The following TMEM135 variants were observed in gnomAD, a reference collection of about 807,000 sequenced individuals.
The protein encoded by TMEM135 is peroxisomal membrane protein 52.
TMEM135 carries 30 observed loss-of-function variants against 60.3 expected under a neutral mutation model. The observed-to-expected ratio is 0.50, with a 90% CI of 0.37 to 0.68. The LOEUF (loss-of-function observed/expected upper bound fraction) is 0.68. TMEM135 is among the 30% of genes least tolerant of loss of function. TMEM135 has a pLI of 0.00. For missense variants in TMEM135, 468 were observed against 548.8 expected, an observed-to-expected ratio of 0.85 and a Z score of 1.47; for synonymous variants, 190 against 186.7, an observed-to-expected ratio of 1.02 and a Z score of -0.14.
intron 4 of TMEM135, among the ~76,000 whole-genome samples, chr11:87,097,690 C>G (rs1212636170): frequency 6.6e-6 from 1 of 152,200 alleles, no homozygotes; most frequent in Non-Finnish European, 1.5e-5. Flanking sequence ...ACACTGCCCT[C>G]TCTGGTGTTG....
intron 4 of TMEM135, among the ~76,000 whole-genome samples, chr11:87,148,455 ATTC>A (rs143340850): frequency 6.5e-4 from 99 of 152,324 alleles, no homozygotes; most frequent in African/African-American, 2.2e-3. Context: ...TGAATTTGGT[ATTC>A]TTCTTCTACT....
intron 6 of TMEM135, among the ~76,000 whole-genome samples, chr11:87,274,163 C>T (rs1350557028): frequency 1.3e-5 from 2 of 152,028 alleles, no homozygotes; most frequent in Non-Finnish European, 2.9e-5. Context: ...GGTATGTCGA[C>T]AAAACTTTCA....
intron 2 of TMEM135, among the ~76,000 whole-genome samples, chr11:87,069,166 GT>G (rs1413126647): frequency 6.6e-6 from 1 of 151,036 alleles, no homozygotes; most frequent in Non-Finnish European, 1.5e-5. Context: ...TGCGCCTGTA[GT>G]CCCATCTACT....
intron 12 of TMEM135, among the ~76,000 whole-genome samples, chr11:87,315,631 G>A (rs1346293160): frequency 6.6e-6 from 1 of 151,834 alleles, no homozygotes; most frequent in Non-Finnish European, 1.5e-5. Flanking sequence ...TCTTTATTCT[G>A]TGTTTATTAG....
rs534010391 is a variant in TMEM135 at position 87,087,147 on chromosome 11, T to G, written c.363-4215T>G. 3.0e-3 allele frequency among the ~76,000 whole-genome samples: 457 copies of G among 152,228 alleles called. 5 individuals carry two copies. The highest frequency in any genetic ancestry group is 4.4e-3 in the Non-Finnish European group (300 of 68,022). On this transcript the variant is annotated intron_variant, in intron 3 of 14. Transcript: ENST00000305494. Reference sequence around the variant, plus strand: ...AGACAAACCAGGATATTAGAAGACATGCATCAAAACAAAACATGGGGGTAA... The same window carrying G: ...AGACAAACCAGGATATTAGAAGACAGGCATCAAAACAAAACATGGGGGTAA...
At chr11:87,166,798 G>T (rs1040638644) in intron 5 of TMEM135, among the ~76,000 whole-genome samples, 4 of 151,636 alleles carry the variant, frequency 2.6e-5, no homozygotes, top group African/African-American at 9.7e-5. Context: ...GCTATTTTTT[G>T]GTTCCATATG....
intron 4 of TMEM135, among the ~76,000 whole-genome samples, chr11:87,100,000 G>T (rs1348118014): frequency 6.6e-6 from 1 of 152,058 alleles, no homozygotes; most frequent in Admixed American, 6.5e-5. Context: ...ACTGTCAAAT[G>T]TGTTCCTGAG....
At chr11:87,254,037 A>G (rs909397884) in intron 6 of TMEM135, among the ~76,000 whole-genome samples, 1 of 152,138 alleles carries the variant, frequency 6.6e-6, no homozygotes, top group Non-Finnish European at 1.5e-5. Flanking sequence ...TGTCTTATAT[A>G]TAACAATCTG....
intron 10 of TMEM135, among the ~76,000 whole-genome samples, chr11:87,312,528 A>G (rs546050591): frequency 1.3e-3 from 195 of 152,020 alleles, no homozygotes; most frequent in Admixed American, 2.9e-3. Flanking sequence ...GATCATGACT[A>G]TTAGGCTTTG....
chr11:87,109,943 C>G (rs1283423636), intron 4 of TMEM135, among the ~76,000 whole-genome samples: 1 of 152,022 alleles, frequency 6.6e-6, no homozygotes, highest in Non-Finnish European at 1.5e-5. Flanking sequence ...ATGTTATTGA[C>G]TGGCAAACAA....
At chr11:87,123,760 G>A (rs951473837) in intron 4 of TMEM135, among the ~76,000 whole-genome samples, 2 of 152,118 alleles carry the variant, frequency 1.3e-5, no homozygotes, top group African/African-American at 4.8e-5. Flanking sequence ...TTCTTACTGG[G>A]AAACAAGTTG....
At position 87,156,652 on chromosome 11, in the gene TMEM135, T is replaced by G. The variant is rs1055375909; in HGVS notation, c.397-689T>G. On this transcript the variant is annotated intron_variant, in intron 4 of 14. Coordinates refer to ENST00000305494, the MANE Select transcript of TMEM135 (RefSeq NM_022918.4). ...TGTTTTCTTAATTTCCTTTTCTGAT[T>G]GTTCATTGTTAGTGTATAGTGAGCA... Among the ~76,000 whole-genome samples the G allele has an allele frequency of 2.0e-4, 31 of 152,206 alleles. 1 individual carries two copies. The highest frequency in any genetic ancestry group is 4.0e-4 in the Non-Finnish European group (27 of 68,024).
At chr11:87,084,128 A>C (rs1007537921) in intron 3 of TMEM135, among the ~76,000 whole-genome samples, 3 of 152,156 alleles carry the variant, frequency 2.0e-5, no homozygotes, top group African/African-American at 7.2e-5. Flanking sequence ...TGGAAAAAAA[A>C]CCCATTATTG....
chr11:87,067,611 T>A, intron 1 of TMEM135, 83 bp from the exon 2 acceptor site: 1 of 1,563,752 alleles, frequency 6.4e-7, no homozygotes. Flanking sequence ...AAATATATGC[T>A]TTTATACAGT....
chr11:87,237,282 C>T (rs1386777360), intron 6 of TMEM135, among the ~76,000 whole-genome samples: 2 of 151,816 alleles, frequency 1.3e-5, no homozygotes, highest in African/African-American at 4.8e-5. Context: ...CAGCAGTGTG[C>T]GAATGATTTT....
At chr11:87,169,973 A>G (rs1158815251) in intron 5 of TMEM135, among the ~76,000 whole-genome samples, 1 of 151,628 alleles carries the variant, frequency 6.6e-6, no homozygotes, top group Non-Finnish European at 1.5e-5. Context: ...ATATAGTCCC[A>G]TATTTCTTGG....
intron 5 of TMEM135, among the ~76,000 whole-genome samples, chr11:87,207,895 G>C (rs1261682821): frequency 6.6e-6 from 1 of 152,130 alleles, no homozygotes; most frequent in Non-Finnish European, 1.5e-5. Context: ...GACCTTAAAG[G>C]ACCAGAGGAC....
At chr11:87,116,614 A>AACACACACACACACATAC (rs1175999278) in intron 4 of TMEM135, among the ~76,000 whole-genome samples, 3 of 130,118 alleles carry the variant, frequency 2.3e-5, no homozygotes, top group African/African-American at 8.3e-5. Context: ...TATATGTACA[A>AACACACACACACACATAC]ACACACACAC....
At chr11:87,057,653 G>T (rs1590985033) in intron 1 of TMEM135, among the ~76,000 whole-genome samples, 1 of 152,100 alleles carries the variant, frequency 6.6e-6, no homozygotes, top group African/African-American at 2.4e-5. Flanking sequence ...GTAAATATTG[G>T]TCTATAATAC....
Sources: allele counts gnomAD v4.1 joint callset (sites outside exome capture counted in the v4.1 genomes callset), GRCh38; gene constraint gnomAD v4.1.1; transcripts MANE v1.5; gene names NCBI Gene and HGNC (gene_info 2026-07-23, HGNC 2026-07-21).